Variants in PRCP observed in about 807,000 individuals in gnomAD.
PRCP encodes the protein lysosomal Pro-X carboxypeptidase.
A neutral mutation model predicts 54.2 loss-of-function variants in PRCP; 46 were observed. The observed-to-expected ratio is 0.85, with a 90% CI of 0.67 to 1.09. PRCP has a LOEUF of 1.09. Among genes scored for constraint, PRCP ranks in the 50% least tolerant of loss-of-function variants. The pLI, the probability that PRCP is intolerant of heterozygous loss-of-function variation, is 0.00. For synonymous variants in PRCP, 240 were observed against 212.2 expected, an observed-to-expected ratio of 1.13 and a Z score of -1.14; for missense variants, 613 against 596.8, an observed-to-expected ratio of 1.03 and a Z score of -0.28.
In PRCP at chr11:82,856,801, C is replaced by A. The variant is rs557532951; in HGVS notation, c.309+3176G>T. On this transcript the variant is annotated intron_variant, in intron 2 of 8. Coordinates refer to ENST00000313010, the MANE Select transcript of PRCP (RefSeq NM_005040.4). ...CAGTCGCTCACGCCTGTAATCCCAA[C>A]ACTTTGGGAGGCCGAGGCGGGCGGA... Among the ~76,000 whole-genome samples the A allele has an allele frequency of 3.3e-5, 5 of 152,216 alleles. No homozygotes were observed. The East Asian group carries it at 7.7e-4, about 23-fold the overall frequency.
In PRCP at chr11:82,849,175, G is replaced by A; in HGVS notation, c.795C>T (p.Ser265=). 5.0e-6 allele frequency: 8 copies of A among 1,614,096 alleles called. No individual in the cohort carries two copies. The highest frequency in any genetic ancestry group is 6.8e-6 in the Non-Finnish European group (8 of 1,179,952). ...GTTGGATGTCCTGAGAAGTTAATGG[G>A]CTGCATAAGTGAAGGGCTCCAGTAA... is the stretch of plus-strand genomic sequence containing the variant. ...QWLTGALHLC[S]PLTSQDIQHL... is the part of the protein sequence containing the mutation. The change falls in exon 6 of 9, where the codon AGC becomes AGT. Residue 265 remains serine, a synonymous_variant. Transcript: ENST00000313010.
intron 2 of PRCP, among the ~76,000 whole-genome samples, chr11:82,853,807 A>C (rs1859016016): frequency 6.6e-6 from 1 of 152,230 alleles, no homozygotes; most frequent in Non-Finnish European, 1.5e-5. Context: ...TTAATTTACC[A>C]GAATCATATA....
chr11:82,888,346 C>T (rs985390245), intron 1 of PRCP, among the ~76,000 whole-genome samples: 1 of 152,116 alleles, frequency 6.6e-6, no homozygotes, highest in African/African-American at 2.4e-5. Context: ...TCTCTCCAGC[C>T]GCAGCACCAC....
At chr11:82,838,722 C>A in intron 7 of PRCP, 148 bp from the exon 8 acceptor site, 1 of 681,822 alleles carries the variant, frequency 1.5e-6, no homozygotes, top group South Asian at 2.5e-5. Flanking sequence ...TTTACTTCTG[C>A]GCCATATAAT....
Position 82,850,491 on chromosome 11 carries a change from C to T in PRCP, c.426G>A (p.Leu142=), listed in dbSNP as rs1209825124. 3 of 1,567,518 alleles carry T rather than the reference C, an allele frequency of 1.9e-6. No individual in the cohort carries two copies. Among genetic ancestry groups the T allele is most frequent in the African/African-American group, 2.7e-5 (2 of 73,020 alleles). ...GAGCTTGTTCTGATGTCAGGAAATT[C>T]AAGTGTCTGGAATCCTAAAGAAATA... ...GDNSFKDSRH[L]NFLTSEQALA... Residue 142 remains leucine (L), a synonymous_variant, in exon 4 of 9, where the codon TTG becomes TTA. Coordinates refer to ENST00000313010, the MANE Select transcript of PRCP (RefSeq NM_005040.4).
chr11:82,873,097 G>A (rs1046655191), intron 1 of PRCP, among the ~76,000 whole-genome samples: 5 of 148,622 alleles, frequency 3.4e-5, no homozygotes, highest in South Asian at 4.2e-4. Flanking sequence ...AAGAAAGTAA[G>A]AAGAATAAGT....
chr11:82,895,430 C>T (rs138751514), intron 1 of PRCP, among the ~76,000 whole-genome samples: 383 of 152,238 alleles, frequency 2.5e-3, no homozygotes, highest in African/African-American at 8.5e-3. Flanking sequence ...TCTCAAAATG[C>T]TAGGATTACA....
At position 82,823,900 on chromosome 11, in the gene PRCP, T is replaced by C. The variant is rs1858154591; in HGVS notation, c.*1006A>G. 1 of 152,248 alleles carries C rather than the reference T, an allele frequency of 6.6e-6. No homozygotes were observed. 9.4% of individuals were successfully genotyped at this position (152,248 alleles called of 1,614,324 possible). ...TAGTCAGCTTGTCTTTTGGAAGTCATACAGAAAAGTTCTTGTGCACCTGCC... is the reference window on the plus strand; with the variant it reads ...TAGTCAGCTTGTCTTTTGGAAGTCACACAGAAAAGTTCTTGTGCACCTGCC... On this transcript the variant is annotated 3_prime_UTR_variant, in exon 9 of 9. Transcript: ENST00000313010.
In PRCP at chr11:82,841,218, C is replaced by A. The variant is rs529945621; in HGVS notation, c.922-1793G>T. On this transcript the variant is annotated intron_variant, in intron 6 of 8. Coordinates refer to ENST00000313010, the MANE Select transcript of PRCP (RefSeq NM_005040.4). ...GGAGGGTACTGAGAAAGGATGCAAC[C>A]AAACCCAGCCCCTCATCACAGTTCT... Among the ~76,000 whole-genome samples, 93 of 149,760 alleles carry A rather than the reference C, an allele frequency of 6.2e-4. 1 individual carries two copies. Among genetic ancestry groups the A allele is most frequent in the African/African-American group, 2.3e-3 (93 of 40,454 alleles).
intron 1 of PRCP, among the ~76,000 whole-genome samples, chr11:82,866,083 A>G (rs1202545592): frequency 6.6e-6 from 1 of 152,136 alleles, no homozygotes; most frequent in Non-Finnish European, 1.5e-5. Context: ...CTCCTGGTTT[A>G]TTTCTTCTTT....
intron 1 of PRCP, among the ~76,000 whole-genome samples, chr11:82,896,487 C>A (rs867501090): frequency 4.0e-5 from 6 of 151,834 alleles, no homozygotes; most frequent in Non-Finnish European, 7.4e-5. Context: ...ACCAGCCTGG[C>A]CAACATGGTA....
intron 2 of PRCP, among the ~76,000 whole-genome samples, chr11:82,859,610 C>A (rs1318067123): frequency 3.9e-5 from 6 of 151,966 alleles, no homozygotes; most frequent in African/African-American, 1.4e-4. Flanking sequence ...ATAAACAAAA[C>A]AAAGCAAAAC....
At chr11:82,847,083 C>CA (rs200070109) in intron 6 of PRCP, among the ~76,000 whole-genome samples, 1,706 of 152,314 alleles carry the variant, frequency 0.011, 29 homozygotes, top group African/African-American at 0.038. Context: ...ATATGGCTCG[C>CA]AAAGCCTAAA....
chr11:82,858,192 T>C (rs1859133904), intron 2 of PRCP: 1 of 152,236 alleles, frequency 6.6e-6, no homozygotes, highest in African/African-American at 2.4e-5. Flanking sequence ...AGTCCCCTAA[T>C]CTTCTTTAAT....
At chr11:82,900,091 C>A (rs1261901041) in intron 1 of PRCP, 144 bp downstream of exon 1, 1 of 1,081,258 alleles carries the variant, frequency 9.2e-7, no homozygotes, top group East Asian at 2.5e-5. Context: ...TTGGGACCAC[C>A]TTCTGGAAGA....
At chr11:82,880,119 T>C (rs1240814710) in intron 1 of PRCP, among the ~76,000 whole-genome samples, 1 of 152,244 alleles carries the variant, frequency 6.6e-6, no homozygotes, top group African/African-American at 2.4e-5. Context: ...TGTTCAGCTA[T>C]GCCCTGCCCC....
intron 8 of PRCP, chr11:82,827,225 T>C (rs1241204676): frequency 3.9e-5 from 6 of 152,236 alleles, no homozygotes. Context: ...ATCTTCTAAC[T>C]TTCTTGATAG....
At chr11:82,896,379 C>A (rs1482062851) in intron 1 of PRCP, among the ~76,000 whole-genome samples, 1 of 152,046 alleles carries the variant, frequency 6.6e-6, no homozygotes, top group Non-Finnish European at 1.5e-5. Context: ...TTGGGTGGGC[C>A]TTATCTAATC....
intron 8 of PRCP, among the ~76,000 whole-genome samples, chr11:82,832,296 T>A (rs1386657702): frequency 6.6e-6 from 1 of 152,168 alleles, no homozygotes; most frequent in Non-Finnish European, 1.5e-5. Context: ...TCCACAATAG[T>A]TGAACTAATT....
Sources: allele counts gnomAD v4.1 joint callset (sites outside exome capture counted in the v4.1 genomes callset), GRCh38; gene constraint gnomAD v4.1.1; transcripts MANE v1.5; gene names NCBI Gene and HGNC (gene_info 2026-07-23, HGNC 2026-07-21).